MAP2K1: variants seen among roughly 807,000 people sequenced by gnomAD.
The protein encoded by MAP2K1 is mitogen-activated protein kinase kinase 1.
A neutral mutation model predicts 46.3 loss-of-function variants in MAP2K1; 16 were observed. That is an observed-to-expected ratio of 0.35 (90% CI 0.23 to 0.52). MAP2K1 has a LOEUF of 0.52. MAP2K1 is among the 20% of genes least tolerant of loss of function. The probability of loss-of-function intolerance (pLI) is 0.94; values close to 1 mark genes in which losing one functional copy is unlikely to be tolerated. For synonymous variants in MAP2K1, 183 were observed against 185.6 expected, an observed-to-expected ratio of 0.99 and a Z score of 0.11; for missense variants, 263 against 497.1, an observed-to-expected ratio of 0.53 and a Z score of 4.48.
intron 3 of MAP2K1, among the ~76,000 whole-genome samples, chr15:66,438,736 G>A (rs2093495533): frequency 6.6e-6 from 1 of 152,196 alleles, no homozygotes; most frequent in South Asian, 2.1e-4. Flanking sequence ...GAGAGCATGA[G>A]ACTGGGAGGG....
chr15:66,465,825 C>A (rs1473196166), intron 5 of MAP2K1, among the ~76,000 whole-genome samples: 1 of 152,170 alleles, frequency 6.6e-6, no homozygotes, highest in Non-Finnish European at 1.5e-5. Context: ...CAGATTATTT[C>A]TATGAAGTAC....
chr15:66,440,393 T>C (rs968151148), intron 3 of MAP2K1, among the ~76,000 whole-genome samples: 1 of 152,174 alleles, frequency 6.6e-6, no homozygotes, highest in South Asian at 2.1e-4. Flanking sequence ...CGCCTGGCCC[T>C]GGGAATGTGT....
intron 5 of MAP2K1, among the ~76,000 whole-genome samples, chr15:66,447,643 A>G (rs764112062): frequency 2.8e-4 from 42 of 150,428 alleles, no homozygotes; most frequent in Admixed American, 1.0e-3. Flanking sequence ...GTAAGCTGAG[A>G]TCATGCCATT....
Position 66,484,316 on chromosome 15 carries a change from T to C in MAP2K1, c.694-674T>C, listed in dbSNP as rs145713089. ...GCATGCACCACCATGTCCAGCTAAT[T>C]TTTGTATTTTTAGTAGAGATGGGGT... is the stretch of plus-strand genomic sequence containing the variant. On this transcript the variant is annotated intron_variant, in intron 6 of 10. Coordinates refer to ENST00000307102, the MANE Select transcript of MAP2K1 (RefSeq NM_002755.4). Among the ~76,000 whole-genome samples the C allele has an allele frequency of 1.9e-3, 289 of 151,890 alleles. 1 individual carries two copies. Among genetic ancestry groups the C allele is most frequent in the African/African-American group, 6.8e-3 (281 of 41,404 alleles).
intron 5 of MAP2K1, among the ~76,000 whole-genome samples, chr15:66,460,057 A>G (rs1206346948): frequency 6.6e-6 from 1 of 152,190 alleles, no homozygotes; most frequent in African/African-American, 2.4e-5. Flanking sequence ...CCCATGGTAT[A>G]TACACAAGGT....
chr15:66,421,087 C>G (rs967906454), intron 1 of MAP2K1, among the ~76,000 whole-genome samples: 2 of 58,588 alleles, frequency 3.4e-5, no homozygotes, highest in East Asian at 8.4e-4. Context: ...TACACATACA[C>G]ACACATACAC....
At chr15:66,438,925 G>A (rs1046478592) in intron 3 of MAP2K1, among the ~76,000 whole-genome samples, 2 of 152,188 alleles carry the variant, frequency 1.3e-5, no homozygotes, top group African/African-American at 4.8e-5. Context: ...TAGACCCAGA[G>A]GGCAGCTAGA....
intron 1 of MAP2K1, among the ~76,000 whole-genome samples, chr15:66,393,742 G>A (rs1341508309): frequency 1.3e-5 from 2 of 152,144 alleles, no homozygotes; most frequent in African/African-American, 4.8e-5. Context: ...TGTGCTGTTG[G>A]GTTGTAGGTT....
At chr15:66,479,122 A>C (rs2140663524) in intron 5 of MAP2K1, among the ~76,000 whole-genome samples, 1 of 148,994 alleles carries the variant, frequency 6.7e-6, no homozygotes, top group Non-Finnish European at 1.5e-5. Context: ...GAGACAGAGG[A>C]GTCTCACTCT....
chr15:66,420,257 C>CGAAT (rs911740095), intron 1 of MAP2K1, among the ~76,000 whole-genome samples: 29 of 148,718 alleles, frequency 1.9e-4, no homozygotes, highest in Admixed American at 1.1e-3. Context: ...AATGAATGAA[C>CGAAT]GAATGAATGA....
intron 5 of MAP2K1, among the ~76,000 whole-genome samples, chr15:66,464,100 C>A (rs1193345822): frequency 1.3e-5 from 2 of 152,116 alleles, no homozygotes; most frequent in Admixed American, 1.3e-4. Context: ...TTTCACATTT[C>A]CCCCCTTTTC....
chr15:66,484,858 C>T (rs1426019082), intron 6 of MAP2K1, 132 bp from the exon 7 acceptor site: 2 of 853,872 alleles, frequency 2.3e-6, no homozygotes, highest in South Asian at 1.3e-5. Flanking sequence ...GGCAGGAGGC[C>T]AAATTCAAGA....
chr15:66,460,995 CA>C (rs1329360907), intron 5 of MAP2K1, among the ~76,000 whole-genome samples: 5 of 152,140 alleles, frequency 3.3e-5, no homozygotes, highest in Non-Finnish European at 5.9e-5. Context: ...CCTCAGATCA[CA>C]AAGCCTCATT....
rs1174666146 is a variant in MAP2K1 at position 66,420,767 on chromosome 15, GTATATATATGTGTATA to G, written c.81-14254_81-14239del. On this transcript the variant is annotated intron_variant, in intron 1 of 10. Coordinates refer to ENST00000307102, the MANE Select transcript of MAP2K1 (RefSeq NM_002755.4). ...TGTGTGTGTGTGTGTGTGTATGTGT[GTATATATATGTGTATA>G]TATATGTGTGTATATATATGTGTAT... Among the ~76,000 whole-genome samples, 73 of 35,346 alleles carry G rather than the reference GTATATATATGTGTATA, an allele frequency of 2.1e-3. 8 individuals carry two copies. Among genetic ancestry groups the G allele is most frequent in the East Asian group, 7.6e-3 (10 of 1,318 alleles). The allele number at this position is 35,346 out of a possible 152,430, so 23.2% of individuals were successfully genotyped here.
chr15:66,453,515 G>T (rs1308582482), intron 5 of MAP2K1: 1 of 702,352 alleles, frequency 1.4e-6, no homozygotes, highest in Non-Finnish European at 2.6e-6. Context: ...TGGTACCTGT[G>T]CACCAGCAAT....
chr15:66,410,620 GA>G (rs78762138), intron 1 of MAP2K1, among the ~76,000 whole-genome samples: 7,210 of 152,144 alleles, frequency 0.047, 296 homozygotes, highest in East Asian at 0.2. Flanking sequence ...TCTAGAACTT[GA>G]AAAAACTTCT....
chr15:66,473,291 C>G (rs2140653809), intron 5 of MAP2K1, among the ~76,000 whole-genome samples: 1 of 152,240 alleles, frequency 6.6e-6, no homozygotes, highest in South Asian at 2.1e-4. Context: ...AATGAGAGAT[C>G]AGGCTGGGCG....
intron 1 of MAP2K1, among the ~76,000 whole-genome samples, chr15:66,395,898 C>T (rs910055324): frequency 6.6e-6 from 1 of 151,978 alleles, no homozygotes; most frequent in Non-Finnish European, 1.5e-5. Context: ...TTTATACTTG[C>T]CACTACACTT....
At chr15:66,455,639 T>G (rs777137314) in intron 5 of MAP2K1, among the ~76,000 whole-genome samples, 8 of 152,218 alleles carry the variant, frequency 5.3e-5, no homozygotes, top group Admixed American at 4.6e-4. Flanking sequence ...CCTAGTTTGG[T>G]ACATTGCCTT....
Sources: gnomAD v4.1 joint callset for allele counts (sites outside exome capture counted in the v4.1 genomes callset) on GRCh38, gnomAD v4.1.1 for gene constraint, MANE v1.5 for transcripts, NCBI Gene and HGNC (gene_info 2026-07-23, HGNC 2026-07-21) for gene names.